ANKS1B: variants seen among roughly 807,000 people sequenced by gnomAD.
The protein encoded by ANKS1B is ankyrin repeat and sterile alpha motif domain-containing protein 1B.
Under a neutral mutation model 148.3 loss-of-function variants are expected in ANKS1B, and 36 were observed. That is an observed-to-expected ratio of 0.24 (90% CI 0.19 to 0.32). The LOEUF (loss-of-function observed/expected upper bound fraction) is 0.32, where lower values mean the gene tolerates loss of function less well. ANKS1B is among the 10% of genes least tolerant of loss of function. The pLI is 1.00. For synonymous variants in ANKS1B, 542 were observed against 560.8 expected, an observed-to-expected ratio of 0.97 and a Z score of 0.47; for missense variants, 1,157 against 1,542.6, an observed-to-expected ratio of 0.75 and a Z score of 4.19.
At chr12:99,233,794 T>C (rs2087318800) in intron 14 of ANKS1B, among the ~76,000 whole-genome samples, 1 of 152,150 alleles carries the variant, frequency 6.6e-6, no homozygotes, top group South Asian at 2.1e-4. Context: ...CTGATTTCTA[T>C]TAGTAAAACT....
chr12:99,535,293 C>A (rs948313800), intron 9 of ANKS1B, among the ~76,000 whole-genome samples: 1 of 152,166 alleles, frequency 6.6e-6, no homozygotes, highest in Non-Finnish European at 1.5e-5. Context: ...GGTTTCCTGG[C>A]TTCTAAGATC....
chr12:99,412,947 G>A (rs992619418), intron 11 of ANKS1B, among the ~76,000 whole-genome samples: 1 of 152,088 alleles, frequency 6.6e-6, no homozygotes, highest in South Asian at 2.1e-4. Flanking sequence ...CAATTTTTTG[G>A]TTGTTATGAA....
chr12:99,648,310 T>C (rs754365772), intron 9 of ANKS1B: 2 of 1,614,020 alleles, frequency 1.2e-6, no homozygotes, highest in African/African-American at 1.3e-5. Context: ...TGCACCCATG[T>C]TTGAGAGCGA....
chr12:99,737,181 G>A (rs1001516630), intron 8 of ANKS1B, among the ~76,000 whole-genome samples: 1 of 152,074 alleles, frequency 6.6e-6, no homozygotes, highest in African/African-American at 2.4e-5. Context: ...TCACACTGCT[G>A]GTTATTTATC....
At chr12:99,470,470 T>G (rs2096222232) in intron 10 of ANKS1B, among the ~76,000 whole-genome samples, 1 of 152,154 alleles carries the variant, frequency 6.6e-6, no homozygotes, top group African/African-American at 2.4e-5. Context: ...CTAAATGAAT[T>G]TAGATTTCAT....
intron 17 of ANKS1B, among the ~76,000 whole-genome samples, chr12:98,981,839 T>C (rs1011237792): frequency 4.6e-5 from 7 of 152,352 alleles, no homozygotes; most frequent in Admixed American, 3.3e-4. Flanking sequence ...AGTAAGTTGA[T>C]TGATAATATT....
At chr12:99,547,391 G>T (rs1196011949) in intron 9 of ANKS1B, among the ~76,000 whole-genome samples, 1 of 152,096 alleles carries the variant, frequency 6.6e-6, no homozygotes, top group East Asian at 1.9e-4. Context: ...CAGGAGAGAT[G>T]ATCCAACCCC....
At chr12:98,812,250 G>A (rs1023299097) in intron 19 of ANKS1B, among the ~76,000 whole-genome samples, 2 of 152,148 alleles carry the variant, frequency 1.3e-5, no homozygotes, top group Non-Finnish European at 2.9e-5. Context: ...AGTAAAGCTA[G>A]AGCCAGACTT....
chr12:99,702,726 G>GGAGAGGCAGAGTTTCCCTATGTTGCC, intron 8 of ANKS1B, among the ~76,000 whole-genome samples: 1 of 116,586 alleles, frequency 8.6e-6, no homozygotes, highest in South Asian at 2.6e-4. Context: ...TTTTTTTTTT[G>GGAGAGGCAGAGTTTCCCTATGTTGCC]TAGAGGCAGA....
At chr12:99,471,624 T>G (rs1293894431) in intron 10 of ANKS1B, among the ~76,000 whole-genome samples, 1 of 151,186 alleles carries the variant, frequency 6.6e-6, no homozygotes, top group African/African-American at 2.4e-5. Flanking sequence ...TGAGTAGACA[T>G]AAAACAACAT....
At chr12:98,923,039 T>TG (rs1422760246) in intron 17 of ANKS1B, among the ~76,000 whole-genome samples, 1 of 151,958 alleles carries the variant, frequency 6.6e-6, no homozygotes, top group African/African-American at 2.4e-5. Flanking sequence ...TGTGGCAGTG[T>TG]GGGGAGATAG....
Position 99,799,993 on chromosome 12 carries a change from G to C in ANKS1B, c.669+6411C>G, listed in dbSNP as rs1041110936. On this transcript the variant is annotated intron_variant, in intron 4 of 26. Transcript: ENST00000683438. The stretch of plus-strand genomic sequence containing the variant: ...GGAAAATGAAATTACCTGACTGAAT[G>C]GGATCACTTCTGGCTGTTTGACTGA... 2.6e-5 allele frequency among the ~76,000 whole-genome samples: 4 copies of C among 152,104 alleles called. No homozygotes were observed. The East Asian group carries it at 7.7e-4, about 29-fold the overall frequency.
intron 12 of ANKS1B, among the ~76,000 whole-genome samples, chr12:99,358,639 C>G (rs184152224): frequency 1.1e-3 from 173 of 151,902 alleles, no homozygotes; most frequent in African/African-American, 4.0e-3. Context: ...AGTATCTTGC[C>G]GGGAAAAGTT....
chr12:99,647,252 T>G (rs930931272), intron 9 of ANKS1B, among the ~76,000 whole-genome samples: 1 of 152,094 alleles, frequency 6.6e-6, no homozygotes, highest in South Asian at 2.1e-4. Flanking sequence ...TGTCAATAAA[T>G]AGGAAAACTA....
chr12:98,835,264 A>C (rs1354831969), intron 17 of ANKS1B, among the ~76,000 whole-genome samples: 1 of 151,908 alleles, frequency 6.6e-6, no homozygotes, highest in Non-Finnish European at 1.5e-5. Flanking sequence ...GTTTTCTCAC[A>C]TATAAAGTGA....
intron 12 of ANKS1B, among the ~76,000 whole-genome samples, chr12:99,334,950 T>C (rs575623532): frequency 6.6e-6 from 1 of 152,132 alleles, no homozygotes; most frequent in South Asian, 2.1e-4. Context: ...ATTGAAGAAA[T>C]CTCTTGGCTA....
intron 19 of ANKS1B, among the ~76,000 whole-genome samples, chr12:98,816,391 G>A (rs766035348): frequency 1.3e-5 from 2 of 152,182 alleles, no homozygotes; most frequent in Non-Finnish European, 2.9e-5. Flanking sequence ...CACCTCCTAG[G>A]TTCAAATGAT....
chr12:99,134,623 T>C (rs923275055), intron 15 of ANKS1B, among the ~76,000 whole-genome samples: 21 of 140,710 alleles, frequency 1.5e-4, no homozygotes, highest in Non-Finnish European at 2.6e-4. Flanking sequence ...TCTCTATCCC[T>C]TTCTGTCTCT....
At chr12:99,787,350 T>C (rs565006869) in intron 4 of ANKS1B, among the ~76,000 whole-genome samples, 147 of 152,284 alleles carry the variant, frequency 9.7e-4, no homozygotes, top group Non-Finnish European at 1.7e-3. Context: ...CCTGCCACCA[T>C]GTAAGATGTG....
Sources: gnomAD v4.1 joint callset for allele counts (sites outside exome capture counted in the v4.1 genomes callset) on GRCh38, gnomAD v4.1.1 for gene constraint, MANE v1.5 for transcripts, NCBI Gene and HGNC (gene_info 2026-07-23, HGNC 2026-07-21) for gene names.